The following NTM variants were observed in gnomAD, a reference collection of about 807,000 sequenced individuals.
NTM encodes the protein neurotrimin.
Under a neutral mutation model 42.1 loss-of-function variants are expected in NTM, and 13 were observed. That is an observed-to-expected ratio of 0.31 (90% CI 0.20 to 0.49). NTM has a LOEUF of 0.49. Ranked by LOEUF, NTM falls within the 20% of genes least tolerant of loss-of-function variation. The pLI, the probability that NTM is intolerant of heterozygous loss-of-function variation, is 0.99. For missense variants in NTM, 373 were observed against 452.8 expected, an observed-to-expected ratio of 0.82 and a Z score of 1.60; for synonymous variants, 187 against 179.2, an observed-to-expected ratio of 1.04 and a Z score of -0.35.
chr11:131,819,809 A>G (rs572004573), intron 1 of NTM, among the ~76,000 whole-genome samples: 146 of 152,140 alleles, frequency 9.6e-4, no homozygotes, highest in Non-Finnish European at 1.5e-3. Context: ...TTTAATTAGA[A>G]TTTTCCTGTG....
intron 2 of NTM, among the ~76,000 whole-genome samples, chr11:132,055,670 TGAGAGAGAGAGACAGAGA>T (rs1179399101): frequency 2.0e-5 from 2 of 101,652 alleles, no homozygotes; most frequent in South Asian, 6.6e-4. Context: ...AGAGCGAGAG[TGAGAGAGAGAGACAGAGA>T]GAGAGAGAGA....
At chr11:132,050,012 C>A (rs1024808800) in intron 2 of NTM, among the ~76,000 whole-genome samples, 1 of 152,116 alleles carries the variant, frequency 6.6e-6, no homozygotes, top group Non-Finnish European at 1.5e-5. Flanking sequence ...TCCCACTGAC[C>A]TTTACTGAAT....
intron 1 of NTM, chr11:131,771,780 C>T (rs1005210367): frequency 6.6e-6 from 1 of 152,244 alleles, no homozygotes; most frequent in East Asian, 1.9e-4. Context: ...CTGAGACAGT[C>T]AGGTTGTTTC....
chr11:132,077,691 G>T (rs1455222311), intron 2 of NTM, among the ~76,000 whole-genome samples: 1 of 152,212 alleles, frequency 6.6e-6, no homozygotes, highest in Admixed American at 6.5e-5. Context: ...CCAGACAGTG[G>T]TCTCAAAATG....
chr11:131,993,161 A>C (rs1156282147), intron 2 of NTM, among the ~76,000 whole-genome samples: 1 of 152,172 alleles, frequency 6.6e-6, no homozygotes, highest in African/African-American at 2.4e-5. Flanking sequence ...CATGGGATCA[A>C]TTTGCGTCAT....
chr11:131,461,187 C>T (rs1453663446), intron 1 of NTM, among the ~76,000 whole-genome samples: 1 of 152,164 alleles, frequency 6.6e-6, no homozygotes, highest in Non-Finnish European at 1.5e-5. Flanking sequence ...TGGGCAATCA[C>T]TGTTACTTTA....
chr11:131,425,836 G>C (rs1408762521), intron 1 of NTM, among the ~76,000 whole-genome samples: 4 of 152,080 alleles, frequency 2.6e-5, no homozygotes, highest in African/African-American at 9.7e-5. Context: ...AGCTTAATGG[G>C]TCTTTCGGTA....
At chr11:132,179,017 C>T (rs542214617) in intron 3 of NTM, among the ~76,000 whole-genome samples, 2 of 152,054 alleles carry the variant, frequency 1.3e-5, no homozygotes, top group Admixed American at 1.3e-4. Flanking sequence ...TTTATTTTTC[C>T]GTTCATTTAT....
chr11:131,532,873 T>TG (rs535352286), intron 1 of NTM, among the ~76,000 whole-genome samples: 53 of 152,344 alleles, frequency 3.5e-4, no homozygotes, highest in African/African-American at 1.2e-3. Flanking sequence ...GTATCTTTTT[T>TG]GGAGAAACGT....
chr11:131,655,652 G>A (rs1173554346), intron 1 of NTM, among the ~76,000 whole-genome samples: 1 of 152,224 alleles, frequency 6.6e-6, no homozygotes, highest in Non-Finnish European at 1.5e-5. Flanking sequence ...AGAAGTGGTG[G>A]AGAAAGGACG....
intron 1 of NTM, among the ~76,000 whole-genome samples, chr11:131,530,002 G>A (rs2051023703): frequency 1.3e-5 from 2 of 152,150 alleles, no homozygotes; most frequent in Non-Finnish European, 2.9e-5. Flanking sequence ...GAGGCAGACT[G>A]GGTATTCGTT....
intron 1 of NTM, among the ~76,000 whole-genome samples, chr11:131,858,928 T>C (rs1020810905): frequency 6.6e-6 from 1 of 152,214 alleles, no homozygotes; most frequent in African/African-American, 2.4e-5. Context: ...AAGTAGCTAG[T>C]AGAGAGCAAC....
chr11:131,592,396 C>A (rs2059435839), intron 1 of NTM, among the ~76,000 whole-genome samples: 1 of 151,972 alleles, frequency 6.6e-6, no homozygotes, highest in Non-Finnish European at 1.5e-5. Flanking sequence ...TAGCCCAGGG[C>A]CTGGAAATCA....
At chr11:131,599,127 C>G (rs1350892370) in intron 1 of NTM, among the ~76,000 whole-genome samples, 2 of 152,040 alleles carry the variant, frequency 1.3e-5, no homozygotes, top group African/African-American at 4.8e-5. Flanking sequence ...GTTGGCCAGG[C>G]TGGTCTTGAA....
chr11:131,480,179 T>G (rs913971579), intron 1 of NTM, among the ~76,000 whole-genome samples: 4 of 151,448 alleles, frequency 2.6e-5, no homozygotes, highest in African/African-American at 9.7e-5. Flanking sequence ...CTGAGTCAAG[T>G]GCTTCAACCT....
intron 1 of NTM, among the ~76,000 whole-genome samples, chr11:131,484,612 G>A (rs953069275): frequency 2.4e-4 from 37 of 152,070 alleles, no homozygotes; most frequent in Admixed American, 1.2e-3. Flanking sequence ...AGAGTGAGAC[G>A]GACACCTGAG....
At chr11:132,139,491 C>T (rs1566274916) in intron 2 of NTM, among the ~76,000 whole-genome samples, 1 of 152,152 alleles carries the variant, frequency 6.6e-6, no homozygotes, top group Admixed American at 6.5e-5. Context: ...CCAAACTCAA[C>T]AGAGTTTGTT....
chr11:131,458,058 G>A (rs572923657), intron 1 of NTM, among the ~76,000 whole-genome samples: 58 of 152,352 alleles, frequency 3.8e-4, no homozygotes, highest in African/African-American at 1.1e-3. Context: ...TGCAATGCAT[G>A]CATTTGAGAC....
At chr11:131,658,830 G>T (rs536488371) in intron 1 of NTM, among the ~76,000 whole-genome samples, 1 of 152,284 alleles carries the variant, frequency 6.6e-6, no homozygotes, top group Non-Finnish European at 1.5e-5. Flanking sequence ...AATTAGCTGG[G>T]CATGGTGGCA....
Sources: allele counts gnomAD v4.1 joint callset (sites outside exome capture counted in the v4.1 genomes callset), GRCh38; gene constraint gnomAD v4.1.1; transcripts MANE v1.5; gene names NCBI Gene and HGNC (gene_info 2026-07-23, HGNC 2026-07-21).